The following CLTC variants were observed in gnomAD, a reference collection of about 807,000 sequenced individuals.
The protein encoded by CLTC is clathrin heavy chain 1.
Under a neutral mutation model 195.8 loss-of-function variants are expected in CLTC, and 16 were observed. The observed-to-expected ratio is 0.08, with a 90% CI of 0.06 to 0.12. The LOEUF (loss-of-function observed/expected upper bound fraction) is 0.12, where lower values mean the gene tolerates loss of function less well. CLTC is among the 10% of genes least tolerant of loss of function. The pLI is 1.00. For synonymous variants in CLTC, 667 were observed against 689.4 expected, an observed-to-expected ratio of 0.97 and a Z score of 0.51; for missense variants, 796 against 2,027.0, an observed-to-expected ratio of 0.39 and a Z score of 11.66.
intron 9 of CLTC, 69 bp downstream of exon 9, chr17:59,664,063 A>C: frequency 1.5e-6 from 2 of 1,315,260 alleles, no homozygotes; most frequent in Admixed American, 4.1e-5. Context: ...AGCCTGTATT[A>C]ACTCTTGATT....
intron 1 of CLTC, among the ~76,000 whole-genome samples, chr17:59,631,257 A>G (rs138287828): frequency 2.6e-5 from 4 of 152,304 alleles, no homozygotes; most frequent in Non-Finnish European, 5.9e-5. Flanking sequence ...TGTGCTAGGC[A>G]TACATCCCTG....
At chr17:59,684,072 T>G in intron 28 of CLTC, 87 bp downstream of exon 28, 1 of 804,616 alleles carries the variant, frequency 1.2e-6, no homozygotes. Flanking sequence ...TCCTTTAGGA[T>G]TGTAAACAGT....
At chr17:59,662,464 A>C (rs1416009176) in intron 8 of CLTC, among the ~76,000 whole-genome samples, 1 of 152,138 alleles carries the variant, frequency 6.6e-6, no homozygotes, top group Non-Finnish European at 1.5e-5. Flanking sequence ...CATTAGTGTT[A>C]ATTCCTTTCA....
At chr17:59,642,272 T>C (rs1008342591) in intron 1 of CLTC, among the ~76,000 whole-genome samples, 2 of 152,118 alleles carry the variant, frequency 1.3e-5, no homozygotes, top group Admixed American at 1.3e-4. Flanking sequence ...TTGCTTCCTT[T>C]TGTGGTTTTG....
At chr17:59,640,195 G>A (rs1005637747) in intron 1 of CLTC, among the ~76,000 whole-genome samples, 1 of 152,136 alleles carries the variant, frequency 6.6e-6, no homozygotes, top group Non-Finnish European at 1.5e-5. Flanking sequence ...CAGACTTGCA[G>A]TTAATAAGAG....
intron 5 of CLTC, among the ~76,000 whole-genome samples, chr17:59,654,206 C>T (rs144736985): frequency 0.036 from 5,408 of 152,026 alleles, 327 homozygotes; most frequent in African/African-American, 0.12. Context: ...GAGACGGTCT[C>T]GCTCTGTCAC....
intron 4 of CLTC, among the ~76,000 whole-genome samples, chr17:59,650,629 T>C (rs932400473): frequency 2.5e-4 from 38 of 151,834 alleles, no homozygotes; most frequent in African/African-American, 8.5e-4. Flanking sequence ...CAGCTGACTT[T>C]TAAAAATGCA....
intron 6 of CLTC, chr17:59,658,537 G>C (rs984242144): frequency 6.6e-6 from 1 of 152,184 alleles, no homozygotes; most frequent in African/African-American, 2.4e-5. Flanking sequence ...TCTACTCTTT[G>C]CTAAAGTCTA....
intron 14 of CLTC, among the ~76,000 whole-genome samples, chr17:59,670,677 G>C (rs2032829564): frequency 6.6e-6 from 1 of 151,928 alleles, no homozygotes. Flanking sequence ...ATATATATAT[G>C]GAAAGCAAAA....
At chr17:59,620,614 A>G (rs1450098823) in intron 1 of CLTC, among the ~76,000 whole-genome samples, 3 of 76,392 alleles carry the variant, frequency 3.9e-5, no homozygotes, top group Non-Finnish European at 7.1e-5. Flanking sequence ...GTCTGCACCC[A>G]GGAGTTGTGG....
chr17:59,639,361 CA>C (rs1224470283), intron 1 of CLTC, among the ~76,000 whole-genome samples: 1 of 151,886 alleles, frequency 6.6e-6, no homozygotes, highest in African/African-American at 2.4e-5. Flanking sequence ...GATAACTATT[CA>C]AAAAAACAAG....
In CLTC at chr17:59,648,011, T is replaced by G. The variant is rs543367685; in HGVS notation, c.520-229T>G. ...ATGAATGCTTCTATACCTTTTTGTTTAAGACGTATATGAGGCATATTTTAA... is the reference window on the plus strand; with the variant it reads ...ATGAATGCTTCTATACCTTTTTGTTGAAGACGTATATGAGGCATATTTTAA... On this transcript the variant is annotated intron_variant, in intron 3 of 31. Coordinates refer to ENST00000269122, the MANE Select transcript of CLTC (RefSeq NM_004859.4). This position sits in a 1 kb window ranked among gnomAD's most constrained non-coding sequence, Gnocchi z 4.5. Among the ~76,000 whole-genome samples the G allele has an allele frequency of 2.6e-5, 4 of 152,344 alleles. No homozygotes were observed. In the East Asian group the frequency reaches 7.7e-4, roughly 29 times the overall value.
intron 1 of CLTC, among the ~76,000 whole-genome samples, chr17:59,622,627 A>G (rs1406279): frequency 0.86 from 130,396 of 152,170 alleles, 55,968 homozygotes; most frequent in South Asian, 0.93. Flanking sequence ...CTTTGCCTTG[A>G]CCTCCCAAAG....
At chr17:59,629,779 A>G (rs1231171950) in intron 1 of CLTC, among the ~76,000 whole-genome samples, 3 of 152,114 alleles carry the variant, frequency 2.0e-5, no homozygotes, top group Non-Finnish European at 4.4e-5. Flanking sequence ...TTGGCCTCCC[A>G]AAGTGCTGGG....
chr17:59,627,328 T>C (rs2031581712), intron 1 of CLTC, among the ~76,000 whole-genome samples: 1 of 152,266 alleles, frequency 6.6e-6, no homozygotes, highest in South Asian at 2.1e-4. Context: ...AAATATTTAA[T>C]GTTTATTATC....
chr17:59,683,331 T>C lies in CLTC; in HGVS notation c.4042-56T>C, dbSNP rs960176630. The C allele has an allele frequency of 1.9e-6, 3 of 1,600,694 alleles. No individual in the cohort carries two copies. The African/African-American group carries it at 4.0e-5, about 22-fold the overall frequency. On this transcript the variant is annotated intron_variant, in intron 25 of 31. Transcript: ENST00000269122. This position sits in a 1 kb window ranked among gnomAD's most constrained non-coding sequence, Gnocchi z 6.1. ...ACTAATGCTTCAAAATATCTTATTCTTTTTAAGGCTGTTAGCTAGACTCAT... is the reference window on the plus strand; with the variant it reads ...ACTAATGCTTCAAAATATCTTATTCCTTTTAAGGCTGTTAGCTAGACTCAT...
At chr17:59,654,898 G>C (rs2032427444) in intron 5 of CLTC, among the ~76,000 whole-genome samples, 2 of 152,206 alleles carry the variant, frequency 1.3e-5, no homozygotes, top group South Asian at 2.1e-4. Flanking sequence ...CAAGTACCTA[G>C]AGTTTGACTT....
chr17:59,634,153 C>T (rs754130800), intron 1 of CLTC, among the ~76,000 whole-genome samples: 31 of 152,248 alleles, frequency 2.0e-4, no homozygotes, highest in Non-Finnish European at 2.8e-4. Flanking sequence ...GAGAGGTCCT[C>T]CCACCTTGGC....
chr17:59,658,792 G>T (rs2032538851), intron 6 of CLTC: 1 of 152,166 alleles, frequency 6.6e-6, no homozygotes, highest in African/African-American at 2.4e-5. Flanking sequence ...TTCAGTATGT[G>T]GGGAAACCTA....
Sources: gnomAD v4.1 joint callset for allele counts (sites outside exome capture counted in the v4.1 genomes callset) on GRCh38, gnomAD v4.1.1 for gene constraint, Gnocchi (gnomAD v3.1) non-coding constraint, MANE v1.5 for transcripts, NCBI Gene and HGNC (gene_info 2026-07-23, HGNC 2026-07-21) for gene names.